The following SORCS2 variants were observed in gnomAD, a reference collection of about 807,000 sequenced individuals.
SORCS2 encodes the protein sortilin related VPS10 domain containing receptor 2.
Under a neutral mutation model 141.6 loss-of-function variants are expected in SORCS2, and 100 were observed. The observed-to-expected ratio is 0.71, with a 90% confidence interval of 0.60 to 0.83. The LOEUF is 0.83. Ranked by LOEUF, SORCS2 falls within the 40% of genes least tolerant of loss-of-function variation. The pLI is 0.00. For missense variants in SORCS2, 1,646 were observed against 1,560.2 expected (o/e 1.05, Z -0.93); for synonymous variants, 789 against 676.9 (o/e 1.17, Z -2.57).
chr4:7,508,151 G>A (rs550007195), intron 2 of SORCS2, among the ~76,000 whole-genome samples: 1 of 146,292 alleles, frequency 6.8e-6, no homozygotes, highest in East Asian at 2.2e-4. Context: ...AAGCTTTGTG[G>A]TAAAAAATAA....
chr4:7,204,353 G>C (rs962965296), intron 1 of SORCS2, among the ~76,000 whole-genome samples: 11 of 152,048 alleles, frequency 7.2e-5, no homozygotes, highest in African/African-American at 2.4e-4. Flanking sequence ...ATAGCTGGGA[G>C]TGCAGGTGCA....
intron 9 of SORCS2, among the ~76,000 whole-genome samples, chr4:7,680,590 G>C (rs28594147): frequency 0.06 from 9,134 of 152,340 alleles, 406 homozygotes; most frequent in African/African-American, 0.11. Context: ...CTGCAGAGAG[G>C]AAGGCTACCC....
intron 4 of SORCS2, among the ~76,000 whole-genome samples, chr4:7,650,440 C>T (rs918752662): frequency 6.6e-6 from 1 of 152,162 alleles, no homozygotes; most frequent in African/African-American, 2.4e-5. Context: ...AAGCGGGAGG[C>T]CAGATTCCCA....
At chr4:7,342,681 T>C (rs1263487489) in intron 1 of SORCS2, among the ~76,000 whole-genome samples, 1 of 152,102 alleles carries the variant, frequency 6.6e-6, no homozygotes, top group Admixed American at 6.5e-5. Flanking sequence ...AGCCCTCCCT[T>C]CAGGACTTCC....
chr4:7,732,680 G>A (rs1252943356), intron 23 of SORCS2, among the ~76,000 whole-genome samples: 14 of 152,022 alleles, frequency 9.2e-5, no homozygotes, highest in African/African-American at 2.9e-4. Flanking sequence ...ACCACTGGGG[G>A]ATGGAGCCTC....
At chr4:7,313,625 A>G (rs1439405140) in intron 1 of SORCS2, among the ~76,000 whole-genome samples, 1 of 152,192 alleles carries the variant, frequency 6.6e-6, no homozygotes, top group Non-Finnish European at 1.5e-5. Context: ...ACTGGCCTGG[A>G]CAATGTCTCT....
In SORCS2 at chr4:7,726,830, C is replaced by T. The variant is rs371704709; in HGVS notation, c.2796C>T (p.Gly932=). 56 of 1,613,748 alleles carry T rather than the reference C, an allele frequency of 3.5e-5. 1 individual carries two copies. The East Asian group carries it at 5.6e-4, about 16-fold the overall frequency. ...NSVTTRFSDT[G]DVRVTVQAAC... ...TGACAACGCGGTTTTCGGACACGGG[C>T]GACGTGCGTGTGACGGTGCAGGCCG... Residue 932 remains glycine (G), a synonymous_variant, in exon 21 of 27, where the codon GGC becomes GGT. Transcript: ENST00000507866.
At chr4:7,300,831 G>T (rs1248970979) in intron 1 of SORCS2, among the ~76,000 whole-genome samples, 1 of 152,204 alleles carries the variant, frequency 6.6e-6, no homozygotes, top group Non-Finnish European at 1.5e-5. Context: ...ATGGGGACCT[G>T]AGCCAGTCCT....
chr4:7,521,732 G>A (rs1421458485), intron 2 of SORCS2, among the ~76,000 whole-genome samples: 3 of 152,194 alleles, frequency 2.0e-5, no homozygotes, highest in Non-Finnish European at 4.4e-5. Flanking sequence ...TTCCCTTTGG[G>A]CAAGTCCCTT....
intron 3 of SORCS2, among the ~76,000 whole-genome samples, chr4:7,560,413 G>A (rs1037958012): frequency 2.0e-5 from 3 of 152,138 alleles, no homozygotes; most frequent in Non-Finnish European, 4.4e-5. Context: ...AGACCCCGCT[G>A]TCAGGTAGAC....
At chr4:7,514,684 C>T (rs992181195) in intron 2 of SORCS2, among the ~76,000 whole-genome samples, 5 of 152,096 alleles carry the variant, frequency 3.3e-5, no homozygotes, top group Non-Finnish European at 7.4e-5. Flanking sequence ...CAGTGCTTAA[C>T]TTGAAGCAGT....
chr4:7,365,687 C>T (rs1298145973), intron 1 of SORCS2, among the ~76,000 whole-genome samples: 1 of 152,126 alleles, frequency 6.6e-6, no homozygotes, highest in Non-Finnish European at 1.5e-5. Flanking sequence ...CAATGGGCAC[C>T]CCGGCGTGCA....
intron 1 of SORCS2, among the ~76,000 whole-genome samples, chr4:7,194,527 C>G (rs1210787748): frequency 6.6e-6 from 1 of 152,178 alleles, no homozygotes; most frequent in East Asian, 1.9e-4. Flanking sequence ...AGTGTCTGGT[C>G]TTGGGTCATT....
At chr4:7,630,329 C>T (rs952509511) in intron 3 of SORCS2, among the ~76,000 whole-genome samples, 3 of 152,292 alleles carry the variant, frequency 2.0e-5, no homozygotes, top group East Asian at 1.9e-4. Context: ...AGACCACCTG[C>T]GATTTCTCCA....
At chr4:7,346,646 T>C (rs1720668088) in intron 1 of SORCS2, among the ~76,000 whole-genome samples, 1 of 152,258 alleles carries the variant, frequency 6.6e-6, no homozygotes, top group Admixed American at 6.5e-5. Context: ...AGTCTTCAAC[T>C]GCAGATGTAG....
At chr4:7,703,405 G>C (rs1234436678) in intron 13 of SORCS2, 34 bp downstream of exon 13, 1 of 1,561,088 alleles carries the variant, frequency 6.4e-7, no homozygotes, top group African/African-American at 1.4e-5. Flanking sequence ...GGCAGGGAGG[G>C]CAGGCTGGGG....
chr4:7,663,365 G>A lies in SORCS2; in HGVS notation c.953-988G>A, dbSNP rs560674028. Among the ~76,000 whole-genome samples the A allele has an allele frequency of 2.8e-4, 43 of 152,282 alleles. No homozygotes were observed. In the South Asian group the frequency reaches 7.1e-3, roughly 25 times the overall value. ...GAGTGAGTGAGTCAGTCAGTCAGTA[G>A]ACTGTTGACTGATCCTGCCCCTGAG... is the stretch of plus-strand genomic sequence containing the variant. On this transcript the variant is annotated intron_variant, in intron 6 of 26. Coordinates refer to ENST00000507866, the MANE Select transcript of SORCS2 (RefSeq NM_020777.3). This position sits in a 1 kb window ranked among gnomAD's most constrained non-coding sequence, Gnocchi z 4.8.
rs1161567254 is a variant in SORCS2 at position 7,726,801 on chromosome 4, T to A, written c.2767T>A (p.Ser923Thr). 6.2e-7 allele frequency: 1 copy of A among 1,613,680 alleles called. No individual in the cohort carries two copies. The part of the protein sequence containing the change: ...SLQPLLSLDN[S>T]VTTRFSDTGD... The stretch of plus-strand genomic sequence containing the variant: ...GCAGCCCCTCCTTTCCCTGGATAAT[T>A]CTGTGACAACGCGGTTTTCGGACAC... The change falls in exon 21 of 27, where the codon TCT becomes ACT. Residue 923 changes from serine to threonine, a missense_variant. Transcript: ENST00000507866.
intron 19 of SORCS2, among the ~76,000 whole-genome samples, chr4:7,724,386 GTGT>G (rs1282456295): frequency 6.9e-6 from 1 of 145,644 alleles, no homozygotes; most frequent in Admixed American, 6.8e-5. Context: ...TGGTGATAGG[GTGT>G]TGGTGATGGT....
Sources: allele counts gnomAD v4.1 joint callset (sites outside exome capture counted in the v4.1 genomes callset), GRCh38; gene constraint gnomAD v4.1.1; non-coding constraint Gnocchi (gnomAD v3.1); transcripts MANE v1.5; gene names NCBI Gene and HGNC (gene_info 2026-07-23, HGNC 2026-07-21).